Variants in RHOBTB3 observed in about 807,000 individuals in gnomAD.
The protein encoded by RHOBTB3 is rho-related BTB domain-containing protein 3.
A neutral mutation model predicts 67.2 loss-of-function variants in RHOBTB3; 47 were observed. That is an observed-to-expected ratio of 0.70 (90% confidence interval 0.55 to 0.89). The LOEUF is 0.89. Ranked by LOEUF, RHOBTB3 falls within the 40% of genes least tolerant of loss-of-function variation. The pLI, the probability that RHOBTB3 is intolerant of heterozygous loss-of-function variation, is 0.00. For missense variants in RHOBTB3, 631 were observed against 750.0 expected (o/e 0.84, Z 1.85); for synonymous variants, 273 against 274.2 (o/e 1.00, Z 0.04).
At chr5:95,771,790 A>T (rs942870892) in intron 8 of RHOBTB3, among the ~76,000 whole-genome samples, 4 of 152,354 alleles carry the variant, frequency 2.6e-5, no homozygotes, top group East Asian at 1.9e-4. Context: ...GAAGACATTT[A>T]CTAAAAGTGT....
intron 6 of RHOBTB3, among the ~76,000 whole-genome samples, chr5:95,762,553 C>T (rs1025310134): frequency 2.6e-5 from 4 of 151,714 alleles, no homozygotes; most frequent in African/African-American, 7.3e-5. Flanking sequence ...TAGTTAATAG[C>T]TGAGGTAGAA....
Position 95,768,130 on chromosome 5 carries a change from A to G in RHOBTB3, c.1246A>G (p.Lys416Glu), listed in dbSNP as rs1745603258. The change falls in exon 8 of 12, where the codon AAG (lysine) becomes GAG (glutamate). Residue 416 changes from lysine to glutamate, a missense_variant. Coordinates refer to ENST00000379982, the MANE Select transcript of RHOBTB3 (RefSeq NM_014899.4). ...CACTTCCCTCAAGTTTTTCCTTAATAAGCCGATGCTTGCCGATGTTGTCTT... is the reference window on the plus strand; with the variant it reads ...CACTTCCCTCAAGTTTTTCCTTAATGAGCCGATGCTTGCCGATGTTGTCTT... The part of the protein sequence containing the change: ...YNTSLKFFLN[K>E]PMLADVVFEI... The G allele has an allele frequency of 6.2e-7, 1 of 1,613,692 alleles. No homozygotes were observed.
chr5:95,740,042 G>A (rs750216195), intron 3 of RHOBTB3, among the ~76,000 whole-genome samples: 2 of 152,138 alleles, frequency 1.3e-5, no homozygotes, highest in African/African-American at 4.8e-5. Flanking sequence ...ATGGGAGCGG[G>A]TTTTTCCTGT....
intron 8 of RHOBTB3, among the ~76,000 whole-genome samples, chr5:95,776,967 C>T (rs895033517): frequency 2.6e-5 from 4 of 152,140 alleles, no homozygotes; most frequent in Non-Finnish European, 2.9e-5. Context: ...CAGGCCTTCC[C>T]CCAAAACTGG....
At chr5:95,783,561 CAAAAAAAAAAAAAA>C (rs201633409) in intron 9 of RHOBTB3, 56 of 107,600 alleles carry the variant, frequency 5.2e-4, no homozygotes, top group South Asian at 1.1e-3. Context: ...CCTGTCTCTA[CAAAAAAAAAAAAAA>C]AAAAAAAAAA....
intron 3 of RHOBTB3, among the ~76,000 whole-genome samples, chr5:95,742,533 G>A (rs1755627950): frequency 1.3e-5 from 2 of 152,058 alleles, no homozygotes; most frequent in African/African-American, 4.8e-5. Context: ...GACTGATGTT[G>A]GAACTTCTGG....
intron 7 of RHOBTB3, among the ~76,000 whole-genome samples, chr5:95,767,518 A>T (rs145550242): frequency 0.016 from 2,399 of 152,122 alleles, 58 homozygotes; most frequent in African/African-American, 0.055. Context: ...TTGTATTTTC[A>T]GTAGAAACAG....
chr5:95,795,248 G>T lies in RHOBTB3; in HGVS notation c.*2074G>T, dbSNP rs1438572798. On this transcript the variant is annotated 3_prime_UTR_variant, in exon 12 of 12. Coordinates refer to ENST00000379982, the MANE Select transcript of RHOBTB3 (RefSeq NM_014899.4). ...TATGTCTTTTGTATTTTAATCACTT[G>T]AGTTAATCAACCACTGGCAAATCCC... is the stretch of plus-strand genomic sequence containing the variant. 1 of 151,970 alleles carries T rather than the reference G, an allele frequency of 6.6e-6. No individual in the cohort carries two copies. Among genetic ancestry groups the T allele is most frequent in the African/African-American group, 2.4e-5 (1 of 41,348 alleles). The allele number at this position is 151,970 out of a possible 1,614,324, so 9.4% of individuals were successfully genotyped here.
intron 7 of RHOBTB3, 86 bp from the exon 8 acceptor site, chr5:95,767,960 C>A: frequency 8.0e-7 from 1 of 1,247,126 alleles, no homozygotes; most frequent in Non-Finnish European, 1.2e-6. Flanking sequence ...TGAGATTTAG[C>A]ATAATTTTCC....
intron 1 of RHOBTB3, among the ~76,000 whole-genome samples, chr5:95,723,269 T>TC (rs1481930835): frequency 2.6e-5 from 4 of 152,216 alleles, no homozygotes; most frequent in Non-Finnish European, 5.9e-5. Context: ...TTCAAAGCCA[T>TC]CCTGGGCCAC....
intron 2 of RHOBTB3, among the ~76,000 whole-genome samples, chr5:95,735,467 T>C (rs1295419804): frequency 6.6e-6 from 1 of 152,126 alleles, no homozygotes; most frequent in Non-Finnish European, 1.5e-5. Context: ...TGTGTGATAC[T>C]CCTCCAGAAT....
intron 1 of RHOBTB3, among the ~76,000 whole-genome samples, chr5:95,723,244 T>C (rs1008368322): frequency 6.6e-6 from 1 of 152,220 alleles, no homozygotes; most frequent in African/African-American, 2.4e-5. Flanking sequence ...GTTCAAAAAT[T>C]TGTGTTGGGC....
chr5:95,783,989 C>T, intron 10 of RHOBTB3, 26 bp downstream of exon 10: 2 of 1,515,418 alleles, frequency 1.3e-6, no homozygotes, highest in South Asian at 1.3e-5. Flanking sequence ...TATCTGATAG[C>T]CTAGTTTTTT....
chr5:95,762,919 T>C (rs1745434356), intron 6 of RHOBTB3, among the ~76,000 whole-genome samples: 1 of 152,104 alleles, frequency 6.6e-6, no homozygotes, highest in Non-Finnish European at 1.5e-5. Context: ...AGTTTTGAAG[T>C]GGGCTAGGGA....
chr5:95,756,917 A>G (rs1745262350), intron 6 of RHOBTB3, among the ~76,000 whole-genome samples: 1 of 152,236 alleles, frequency 6.6e-6, no homozygotes, highest in African/African-American at 2.4e-5. Context: ...TTTTAAAGAC[A>G]TAAAATATTC....
upstream of RHOBTB3, chr5:95,731,229 G>A: frequency 1.0e-6 from 1 of 1,003,720 alleles, no homozygotes; most frequent in Non-Finnish European, 1.2e-6. Flanking sequence ...GCATCCGCCC[G>A]ACCCCCGGGG....
At chr5:95,788,692 C>G in intron 10 of RHOBTB3, 70 bp from the exon 11 acceptor site, 7 of 1,008,806 alleles carry the variant, frequency 6.9e-6, no homozygotes, top group Middle Eastern at 2.1e-4. Flanking sequence ...GCTCCCAGGC[C>G]GTTCTCTTGA....
intron 6 of RHOBTB3, among the ~76,000 whole-genome samples, chr5:95,761,852 C>G (rs1398515955): frequency 6.6e-6 from 1 of 152,182 alleles, no homozygotes; most frequent in Non-Finnish European, 1.5e-5. Context: ...GTTATACTGA[C>G]TTTAATGTTT....
intron 3 of RHOBTB3, among the ~76,000 whole-genome samples, chr5:95,741,064 C>T (rs1033915428): frequency 7.2e-5 from 11 of 152,134 alleles, no homozygotes; most frequent in African/African-American, 2.2e-4. Flanking sequence ...CGCAGTGGCT[C>T]ACGCCTGTAA....
Sources: gnomAD v4.1 joint callset for allele counts (sites outside exome capture counted in the v4.1 genomes callset) on GRCh38, gnomAD v4.1.1 for gene constraint, MANE v1.5 for transcripts, NCBI Gene and HGNC (gene_info 2026-07-23, HGNC 2026-07-21) for gene names.